CDH18: variants seen among roughly 807,000 people sequenced by gnomAD.
The protein encoded by CDH18 is cadherin 18.
CDH18 carries 31 observed loss-of-function variants against 67.9 expected under a neutral mutation model. The observed-to-expected ratio is 0.46, with a 90% confidence interval of 0.34 to 0.62. CDH18 has a LOEUF of 0.62. Among genes scored for constraint, CDH18 ranks in the 20% least tolerant of loss-of-function variants. The probability of loss-of-function intolerance (pLI) is 0.01; values close to 1 mark genes in which losing one functional copy is unlikely to be tolerated. For missense variants in CDH18, 890 were observed against 975.5 expected (o/e 0.91, Z 1.17); for synonymous variants, 362 against 347.2 (o/e 1.04, Z -0.48).
At chr5:19,578,772 T>C (rs1742739263) in intron 7 of CDH18, among the ~76,000 whole-genome samples, 1 of 151,988 alleles carries the variant, frequency 6.6e-6, no homozygotes, top group African/African-American at 2.4e-5. Flanking sequence ...TTATAGTTTT[T>C]TTCCTAGAAA....
intron 1 of CDH18, among the ~76,000 whole-genome samples, chr5:20,262,074 T>A (rs1744699866): frequency 2.0e-5 from 3 of 152,130 alleles, no homozygotes; most frequent in African/African-American, 7.2e-5. Flanking sequence ...CTATATAATA[T>A]AATTAGGATG....
chr5:19,888,985 A>G (rs1167230046), intron 2 of CDH18, among the ~76,000 whole-genome samples: 2 of 152,114 alleles, frequency 1.3e-5, no homozygotes, highest in African/African-American at 4.8e-5. Context: ...GTGCATGCTC[A>G]ACTCTGTGAT....
intron 1 of CDH18, among the ~76,000 whole-genome samples, chr5:20,564,260 T>TTTTTTTTATTTATTTATTTA (rs1554020092): frequency 1.5e-4 from 21 of 141,650 alleles, no homozygotes; most frequent in African/African-American, 4.2e-4. Flanking sequence ...ATTATCACAG[T>TTTTTTTTATTTATTTATTTA]TTTATTTATT....
chr5:19,514,819 T>A (rs1025713368), intron 10 of CDH18, among the ~76,000 whole-genome samples: 1 of 152,240 alleles, frequency 6.6e-6, no homozygotes, highest in African/African-American at 2.4e-5. Context: ...TGATGGTAGT[T>A]TCTTTTGCTG....
At chr5:19,746,516 TACAC>T (rs1770016531) in intron 4 of CDH18, among the ~76,000 whole-genome samples, 2 of 152,214 alleles carry the variant, frequency 1.3e-5, no homozygotes, top group Non-Finnish European at 2.9e-5. Flanking sequence ...AATTTGGTCA[TACAC>T]TGAAAGCTTA....
chr5:20,261,689 C>T (rs1673298873), intron 1 of CDH18, among the ~76,000 whole-genome samples: 2 of 151,906 alleles, frequency 1.3e-5, no homozygotes, highest in Admixed American at 6.6e-5. Flanking sequence ...TGAGATGGAG[C>T]CACTGCATTC....
chr5:20,173,102 G>T (rs1736967239), intron 2 of CDH18, among the ~76,000 whole-genome samples: 1 of 152,116 alleles, frequency 6.6e-6, no homozygotes, highest in African/African-American at 2.4e-5. Flanking sequence ...TCTGCAAGAG[G>T]CTAATGTGAA....
At chr5:20,068,920 T>C (rs1743204868) in intron 2 of CDH18, among the ~76,000 whole-genome samples, 1 of 152,096 alleles carries the variant, frequency 6.6e-6, no homozygotes, top group Non-Finnish European at 1.5e-5. Context: ...TAAAAACAAA[T>C]TTACTAAAAT....
At chr5:20,552,847 G>A (rs1703044) in intron 1 of CDH18, among the ~76,000 whole-genome samples, 8 of 151,482 alleles carry the variant, frequency 5.3e-5, no homozygotes, top group Admixed American at 2.0e-4. Flanking sequence ...CCTCTGCCTC[G>A]CGGTTCAAGC....
intron 1 of CDH18, among the ~76,000 whole-genome samples, chr5:20,394,247 C>A (rs376592824): frequency 1.4e-5 from 2 of 147,270 alleles, no homozygotes; most frequent in Admixed American, 6.8e-5. Context: ...GAATCCCCCC[C>A]AAAAAACAAA....
chr5:20,061,352 A>G (rs1742471240), intron 2 of CDH18, among the ~76,000 whole-genome samples: 1 of 152,160 alleles, frequency 6.6e-6, no homozygotes, highest in South Asian at 2.1e-4. Flanking sequence ...AAAATCCACA[A>G]AGTATAATTC....
At chr5:20,514,253 AT>A (rs1419617229) in intron 1 of CDH18, among the ~76,000 whole-genome samples, 11 of 151,962 alleles carry the variant, frequency 7.2e-5, no homozygotes, top group Non-Finnish European at 1.2e-4. Flanking sequence ...TTCTCTAAAT[AT>A]TTTTTTAATT....
rs552246674 is a variant in CDH18 at position 19,486,692 on chromosome 5, C to T, written c.1631-3140G>A. Among the ~76,000 whole-genome samples the T allele has an allele frequency of 3.9e-5, 6 of 152,190 alleles. No individual in the cohort carries two copies. In the South Asian group the frequency reaches 1.2e-3, roughly 32 times the overall value. On this transcript the variant is annotated intron_variant, in intron 11 of 12. Coordinates refer to ENST00000382275, the MANE Select transcript of CDH18 (RefSeq NM_004934.5). The stretch of plus-strand genomic sequence containing the variant: ...CCTATAATCTCAGCTACTTGGGAGG[C>T]TGAGGCAGGAGAATTGCTGGAACTC...
chr5:19,715,222 T>TA (rs1203693574), intron 5 of CDH18, among the ~76,000 whole-genome samples: 4 of 152,050 alleles, frequency 2.6e-5, no homozygotes, highest in Non-Finnish European at 5.9e-5. Context: ...TTTGGGGAGG[T>TA]AATAGAGAAC....
chr5:19,747,268 T>C, intron 3 of CDH18, 32 bp from the exon 4 acceptor site: 2 of 1,553,704 alleles, frequency 1.3e-6, no homozygotes, highest in Non-Finnish European at 1.8e-6. Context: ...ATTTAGCATA[T>C]ATTTATATTC....
chr5:19,739,268 C>G (rs1768778305), intron 4 of CDH18, among the ~76,000 whole-genome samples: 1 of 152,160 alleles, frequency 6.6e-6, no homozygotes, highest in African/African-American at 2.4e-5. Flanking sequence ...AAAAACAGAA[C>G]TTCTGAGACT....
chr5:20,058,743 T>C (rs1018723312), intron 2 of CDH18, among the ~76,000 whole-genome samples: 1 of 152,336 alleles, frequency 6.6e-6, no homozygotes, highest in Non-Finnish European at 1.5e-5. Flanking sequence ...TTTGTTTGTC[T>C]CATTAGCTTT....
chr5:20,085,916 T>G (rs112379535), intron 2 of CDH18, among the ~76,000 whole-genome samples: 3,032 of 152,156 alleles, frequency 0.02, 100 homozygotes, highest in African/African-American at 0.067. Context: ...AGCATTCAAA[T>G]AAAAAGAAGA....
intron 2 of CDH18, among the ~76,000 whole-genome samples, chr5:19,892,594 T>A (rs1561516716): frequency 6.6e-6 from 1 of 152,132 alleles, no homozygotes; most frequent in Non-Finnish European, 1.5e-5. Context: ...GGTGAACCTG[T>A]GACCAATAAG....
Sources: gnomAD v4.1 joint callset for allele counts (sites outside exome capture counted in the v4.1 genomes callset) on GRCh38, gnomAD v4.1.1 for gene constraint, MANE v1.5 for transcripts, NCBI Gene and HGNC (gene_info 2026-07-23, HGNC 2026-07-21) for gene names.